The following TFAP2D variants were observed in gnomAD, a reference collection of about 807,000 sequenced individuals.
TFAP2D encodes transcription factor AP-2-delta.
TFAP2D carries 9 observed loss-of-function variants against 43.6 expected under a neutral mutation model. The ratio of observed to expected loss-of-function variants is 0.21; its 90% CI spans 0.12 to 0.36. TFAP2D has a LOEUF of 0.36. Among genes scored for constraint, TFAP2D ranks in the 10% least tolerant of loss-of-function variants. The pLI, the probability that TFAP2D is intolerant of heterozygous loss-of-function variation, is 1.00. For missense variants in TFAP2D, 513 were observed against 561.4 expected, an observed-to-expected ratio of 0.91 and a Z score of 0.87; for synonymous variants, 256 against 224.9, an observed-to-expected ratio of 1.14 and a Z score of -1.24.
intron 6 of TFAP2D, among the ~76,000 whole-genome samples, chr6:50,747,801 T>C (rs574684592): frequency 6.6e-6 from 1 of 152,196 alleles, no homozygotes; most frequent in South Asian, 2.1e-4. Context: ...TATTTTCGGG[T>C]AGCGTATTTG....
chr6:50,745,709 A>G (rs1769116122), intron 6 of TFAP2D, among the ~76,000 whole-genome samples: 1 of 152,128 alleles, frequency 6.6e-6, no homozygotes, highest in African/African-American at 2.4e-5. Context: ...GGGACCAAGG[A>G]TCACCATGAG....
At chr6:50,726,104 G>A (rs1248124807) in intron 3 of TFAP2D, among the ~76,000 whole-genome samples, 1 of 152,168 alleles carries the variant, frequency 6.6e-6, no homozygotes, top group South Asian at 2.1e-4. Flanking sequence ...GCCCAACCTA[G>A]ATGTAGGAGA....
intron 7 of TFAP2D, among the ~76,000 whole-genome samples, chr6:50,759,168 T>C (rs886305433): frequency 1.3e-5 from 2 of 151,998 alleles, no homozygotes; most frequent in African/African-American, 4.8e-5. Flanking sequence ...GTGGAAGAGT[T>C]TGGTTAATTT....
chr6:50,717,348 G>A (rs1768643977), intron 2 of TFAP2D, among the ~76,000 whole-genome samples: 1 of 152,192 alleles, frequency 6.6e-6, no homozygotes, highest in South Asian at 2.1e-4. Flanking sequence ...TTTTACTTAT[G>A]AGGGGAAAAA....
intron 3 of TFAP2D, among the ~76,000 whole-genome samples, chr6:50,722,573 G>A (rs1296666666): frequency 3.3e-5 from 5 of 151,724 alleles, no homozygotes; most frequent in Non-Finnish European, 5.9e-5. Flanking sequence ...GCCAGACACC[G>A]GTCCCTTTCA....
In TFAP2D at chr6:50,751,224, G is replaced by A; in HGVS notation, c.1039G>A (p.Glu347Lys). 2 of 1,608,582 alleles carry A rather than the reference G, an allele frequency of 1.2e-6. No homozygotes were observed. The highest frequency in any genetic ancestry group is 1.7e-6 in the Non-Finnish European group (2 of 1,176,368). ...CTTTTATTTTAGACAAATCTGTAAA[G>A]AATTCCAAGACCTCTTGAGCCAAGA... ...MILATKQICK[E>K]FQDLLSQDRS... Residue 347 changes from glutamate to lysine, a missense_variant, in exon 7 of 8, where the codon GAA becomes AAA. Around this residue, in one of 3 missense-constraint regions of TFAP2D, gnomAD observed 199 missense variants for 227.9 expected, o/e 0.87. Transcript: ENST00000008391.
At chr6:50,723,163 T>A (rs1400314139) in intron 3 of TFAP2D, among the ~76,000 whole-genome samples, 1 of 152,352 alleles carries the variant, frequency 6.6e-6, no homozygotes, top group South Asian at 2.1e-4. Flanking sequence ...GTACAAACAT[T>A]GTCAGATCTG....
At chr6:50,728,481 A>T (rs1206780759) in intron 3 of TFAP2D, among the ~76,000 whole-genome samples, 1 of 152,232 alleles carries the variant, frequency 6.6e-6, no homozygotes, top group Middle Eastern at 3.2e-3. Flanking sequence ...GTACATAAAC[A>T]TACAACCATG....
At chr6:50,766,770 G>A (rs555088190) in intron 7 of TFAP2D, among the ~76,000 whole-genome samples, 8 of 142,392 alleles carry the variant, frequency 5.6e-5, no homozygotes, top group East Asian at 2.3e-4. Flanking sequence ...CCGGGTTCAC[G>A]CCATTCTCCT....
chr6:50,771,812 A>G (rs1171985529), intron 7 of TFAP2D, among the ~76,000 whole-genome samples: 1 of 152,186 alleles, frequency 6.6e-6, no homozygotes, highest in Non-Finnish European at 1.5e-5. Context: ...AACTAGTTCA[A>G]CCATTGTGGA....
chr6:50,713,865 T>A lies in TFAP2D; in HGVS notation c.-191T>A. ...TTGTGCAGAGGGAAAATTTTGTTCCTACAGGTTTTTAAGTGGGTACGAGGC... is the reference window on the plus strand; with the variant it reads ...TTGTGCAGAGGGAAAATTTTGTTCCAACAGGTTTTTAAGTGGGTACGAGGC... On this transcript the variant is annotated 5_prime_UTR_variant, in exon 1 of 8. Coordinates refer to ENST00000008391, the MANE Select transcript of TFAP2D (RefSeq NM_172238.4). 1.3e-6 allele frequency: 1 copy of A among 779,768 alleles called. No homozygotes were observed. Among genetic ancestry groups the A allele is most frequent in the Non-Finnish European group, 2.0e-6 (1 of 495,248 alleles). 48.3% of individuals were successfully genotyped at this position (779,768 alleles called of 1,614,324 possible).
rs986371992 is a variant in TFAP2D, at chr6:50,713,634, A to T, written c.-422A>T. ...ATGATAAAGGTTGGAAAAAATGGATAAAAATGTTGAAAGAACCTCCAGTTC... is the reference window on the plus strand; with the variant it reads ...ATGATAAAGGTTGGAAAAAATGGATTAAAATGTTGAAAGAACCTCCAGTTC... On this transcript the variant is annotated 5_prime_UTR_variant, in exon 1 of 8. It removes the in-frame stop codon of an upstream open reading frame in the 5' UTR. Transcript: ENST00000008391. Among the ~76,000 whole-genome samples the T allele has an allele frequency of 6.6e-6, 1 of 152,194 alleles. No homozygotes were observed. The highest frequency in any genetic ancestry group is 1.5e-5 in the Non-Finnish European group (1 of 68,036).
intron 6 of TFAP2D, among the ~76,000 whole-genome samples, chr6:50,749,065 T>G (rs1189978425): frequency 6.6e-6 from 1 of 151,776 alleles, no homozygotes; most frequent in African/African-American, 2.4e-5. Flanking sequence ...AGTGCCATAA[T>G]GAGATGATGA....
chr6:50,734,038 T>C (rs1222288346), intron 5 of TFAP2D, among the ~76,000 whole-genome samples: 1 of 151,142 alleles, frequency 6.6e-6, no homozygotes, highest in Non-Finnish European at 1.5e-5. Context: ...TGTGGGACAA[T>C]GGAGGGTATA....
At chr6:50,761,915 G>A (rs977564222) in intron 7 of TFAP2D, among the ~76,000 whole-genome samples, 44 of 152,052 alleles carry the variant, frequency 2.9e-4, no homozygotes, top group African/African-American at 1.0e-3. Flanking sequence ...CCTTGACCAT[G>A]AGCAAGAAAT....
intron 3 of TFAP2D, among the ~76,000 whole-genome samples, chr6:50,727,545 CA>C (rs1166604781): frequency 6.6e-6 from 1 of 152,118 alleles, no homozygotes; most frequent in East Asian, 1.9e-4. Context: ...GATTCTGACT[CA>C]AAAAGTTTGG....
rs1255595654 is a variant in TFAP2D, at chr6:50,715,504, A to G, written c.428A>G (p.His143Arg). ...ELGCLDAYRRHDLSLMSHGSQ... is the reference protein window; with the variant it reads ...ELGCLDAYRRRDLSLMSHGSQ... Reference sequence around the variant, plus strand: ...GGCTGCCTCGATGCCTACCGCCGCCATGACCTGTCCCTCATGAGCCATGGC... The same window carrying G: ...GGCTGCCTCGATGCCTACCGCCGCCGTGACCTGTCCCTCATGAGCCATGGC... Residue 143 changes from histidine to arginine, a missense_variant, in exon 2 of 8, where the codon CAT becomes CGT. Around this residue, in one of 3 missense-constraint regions of TFAP2D, gnomAD observed 311 missense variants for 316.2 expected, o/e 0.98. Transcript: ENST00000008391. 2.0e-5 allele frequency: 33 copies of G among 1,613,346 alleles called. No homozygotes were observed. Among genetic ancestry groups the G allele is most frequent in the Non-Finnish European group, 2.5e-5 (29 of 1,180,038 alleles).
intron 5 of TFAP2D, among the ~76,000 whole-genome samples, chr6:50,739,171 A>C (rs1769003166): frequency 6.6e-6 from 1 of 152,138 alleles, no homozygotes; most frequent in African/African-American, 2.4e-5. Context: ...TGCTGCACCC[A>C]TTAACTCGTC....
At chr6:50,742,456 G>A (rs953951324) in intron 5 of TFAP2D, among the ~76,000 whole-genome samples, 2 of 151,980 alleles carry the variant, frequency 1.3e-5, no homozygotes, top group Admixed American at 6.6e-5. Context: ...TTCAAGAGGC[G>A]TGCTGCCATC....
Sources: gnomAD v4.1 joint callset for allele counts (sites outside exome capture counted in the v4.1 genomes callset) on GRCh38, gnomAD v4.1.1 for gene constraint, gnomAD v4.1.1 regional missense constraint, MANE v1.5 for transcripts, NCBI Gene and HGNC (gene_info 2026-07-23, HGNC 2026-07-21) for gene names.